Variants in CNTN5 observed in about 807,000 individuals in gnomAD.
CNTN5 encodes the protein contactin 5.
In CNTN5, 77 loss-of-function variants were observed where a neutral mutation model predicts 129.1. The observed-to-expected ratio is 0.60, with a 90% CI of 0.50 to 0.72. The LOEUF is 0.72. Among genes scored for constraint, CNTN5 ranks in the 30% least tolerant of loss-of-function variants. The pLI, the probability that CNTN5 is intolerant of heterozygous loss-of-function variation, is 0.00. For synonymous variants in CNTN5, 509 were observed against 465.6 expected (o/e 1.09, Z -1.20); for missense variants, 1,478 against 1,328.8 (o/e 1.11, Z -1.75).
At chr11:99,365,781 A>C (rs1712871372) in intron 2 of CNTN5, among the ~76,000 whole-genome samples, 1 of 152,136 alleles carries the variant, frequency 6.6e-6, no homozygotes, top group South Asian at 2.1e-4. Flanking sequence ...TAGTGAATGG[A>C]TATATTATGC....
chr11:100,160,053 A>G (rs148147763), intron 13 of CNTN5, among the ~76,000 whole-genome samples: 14,478 of 151,826 alleles, frequency 0.095, 871 homozygotes, highest in Non-Finnish European at 0.13. Flanking sequence ...TATTTCTCCT[A>G]ATGCTATTCC....
At chr11:99,800,445 T>C (rs1215434466) in intron 3 of CNTN5, among the ~76,000 whole-genome samples, 1 of 152,188 alleles carries the variant, frequency 6.6e-6, no homozygotes, top group Non-Finnish European at 1.5e-5. Flanking sequence ...GAATATTCTG[T>C]AGATGTCAAT....
At chr11:99,263,202 G>A (rs941491504) in intron 1 of CNTN5, among the ~76,000 whole-genome samples, 1 of 151,986 alleles carries the variant, frequency 6.6e-6, no homozygotes, top group Admixed American at 6.6e-5. Context: ...TTCATGTAAG[G>A]TGTTTCCTGT....
intron 10 of CNTN5, among the ~76,000 whole-genome samples, chr11:100,067,272 A>G (rs1286651173): frequency 1.3e-5 from 2 of 152,054 alleles, no homozygotes; most frequent in East Asian, 1.9e-4. Flanking sequence ...TTGTAACACA[A>G]TCTACAACCC....
chr11:99,220,940 A>G (rs1860369507), intron 1 of CNTN5, among the ~76,000 whole-genome samples: 1 of 147,574 alleles, frequency 6.8e-6, no homozygotes, highest in South Asian at 2.2e-4. Flanking sequence ...AGCAGAAGAA[A>G]ACCATTTCTG....
chr11:99,568,651 C>G (rs1300876289), intron 3 of CNTN5, among the ~76,000 whole-genome samples: 1 of 152,162 alleles, frequency 6.6e-6, no homozygotes, highest in African/African-American at 2.4e-5. Flanking sequence ...AAGGAAGATT[C>G]TTGATCTCCT....
At chr11:100,247,950 A>G (rs894569443) in intron 16 of CNTN5, among the ~76,000 whole-genome samples, 1 of 152,106 alleles carries the variant, frequency 6.6e-6, no homozygotes, top group Non-Finnish European at 1.5e-5. Flanking sequence ...ATCTCTCTGC[A>G]TTAATCTAAT....
chr11:99,562,943 C>G (rs78044390), intron 3 of CNTN5, among the ~76,000 whole-genome samples: 1 of 152,216 alleles, frequency 6.6e-6, no homozygotes, highest in East Asian at 1.9e-4. Flanking sequence ...ATCTGTGATT[C>G]ATTCTTGCAT....
rs571527467 is a variant in CNTN5, at chr11:99,055,420, T to C, written c.-210+34150T>C. Among the ~76,000 whole-genome samples, 33 of 152,156 alleles carry C rather than the reference T, an allele frequency of 2.2e-4. No homozygotes were observed. In the South Asian group the frequency reaches 6.4e-3, roughly 30 times the overall value. On this transcript the variant is annotated intron_variant, in intron 1 of 24. Coordinates refer to ENST00000524871, the MANE Select transcript of CNTN5 (RefSeq NM_014361.4). ...AATGTCAATGACCAACTCAATATAA[T>C]TAACTGAGTACAATTTACTCTTATT...
chr11:99,340,294 T>C lies in CNTN5; in HGVS notation c.-71+14810T>C, dbSNP rs572286154. Among the ~76,000 whole-genome samples the C allele has an allele frequency of 2.0e-5, 3 of 152,270 alleles. No individual in the cohort carries two copies. In the East Asian group the frequency reaches 5.8e-4, roughly 29 times the overall value. ...AAAATAGTTAGCAGGACATATAAAT[T>C]TGGAGTATAAGGAAGCTGAGTTGTC... On this transcript the variant is annotated intron_variant, in intron 2 of 24. Coordinates refer to ENST00000524871, the MANE Select transcript of CNTN5 (RefSeq NM_014361.4).
chr11:99,984,944 G>A (rs1051547345), intron 8 of CNTN5, among the ~76,000 whole-genome samples: 6 of 152,292 alleles, frequency 3.9e-5, no homozygotes, highest in Admixed American at 3.3e-4. Flanking sequence ...AAGTGAGTGT[G>A]GAATCCTTCC....
chr11:99,969,265 T>C (rs568621369), intron 8 of CNTN5, among the ~76,000 whole-genome samples: 1 of 152,258 alleles, frequency 6.6e-6, no homozygotes, highest in East Asian at 1.9e-4. Context: ...TCTAACTTAG[T>C]CTTTTTCTTG....
chr11:99,659,693 A>G (rs1952525130), intron 3 of CNTN5, among the ~76,000 whole-genome samples: 1 of 152,114 alleles, frequency 6.6e-6, no homozygotes, highest in Admixed American at 6.6e-5. Flanking sequence ...AGTCTTTTTT[A>G]TCTTAAGGCC....
chr11:99,823,602 A>G (rs1224837673), intron 4 of CNTN5, among the ~76,000 whole-genome samples: 1 of 152,136 alleles, frequency 6.6e-6, no homozygotes, highest in Non-Finnish European at 1.5e-5. Flanking sequence ...TAAATGTATT[A>G]TTCTTTATTC....
intron 9 of CNTN5, among the ~76,000 whole-genome samples, chr11:100,042,821 A>T (rs1328272163): frequency 1.3e-5 from 2 of 152,210 alleles, no homozygotes; most frequent in Admixed American, 6.5e-5. Flanking sequence ...AGCCAAATGA[A>T]TAGCATCATC....
chr11:99,578,515 G>A (rs925526367), intron 3 of CNTN5, among the ~76,000 whole-genome samples: 3 of 150,790 alleles, frequency 2.0e-5, no homozygotes, highest in African/African-American at 4.9e-5. Context: ...TTTAATGATC[G>A]CCATTCTAAC....
chr11:99,418,769 T>C (rs965411955), intron 2 of CNTN5, among the ~76,000 whole-genome samples: 2 of 152,170 alleles, frequency 1.3e-5, no homozygotes, highest in Non-Finnish European at 2.9e-5. Context: ...TAGTTATTTT[T>C]CTTAAGTATC....
chr11:99,703,032 A>G (rs1434840763), intron 3 of CNTN5, among the ~76,000 whole-genome samples: 1 of 150,868 alleles, frequency 6.6e-6, no homozygotes, highest in East Asian at 1.9e-4. Context: ...GGATGTTTTA[A>G]TAGGACACAG....
intron 3 of CNTN5, among the ~76,000 whole-genome samples, chr11:99,680,806 A>T (rs1394946215): frequency 6.6e-6 from 1 of 151,980 alleles, no homozygotes; most frequent in Non-Finnish European, 1.5e-5. Context: ...TTCTTAATAA[A>T]ACTTCAAAAT....
Sources: gnomAD v4.1 joint callset for allele counts (sites outside exome capture counted in the v4.1 genomes callset) on GRCh38, gnomAD v4.1.1 for gene constraint, MANE v1.5 for transcripts, NCBI Gene and HGNC (gene_info 2026-07-23, HGNC 2026-07-21) for gene names.